The following LNPK variants were observed in gnomAD, a reference collection of about 807,000 sequenced individuals.
LNPK encodes the protein lunapark, ER junction formation factor.
LNPK carries 29 observed loss-of-function variants against 55.2 expected under a neutral mutation model. That is an observed-to-expected ratio of 0.53 (90% CI 0.39 to 0.72). LNPK has a LOEUF of 0.72. Ranked by LOEUF, LNPK falls within the 30% of genes least tolerant of loss-of-function variation. The pLI, the probability that LNPK is intolerant of heterozygous loss-of-function variation, is 0.00. For missense variants in LNPK, 467 were observed against 494.8 expected, an observed-to-expected ratio of 0.94 and a Z score of 0.53; for synonymous variants, 162 against 168.2, an observed-to-expected ratio of 0.96 and a Z score of 0.29.
In LNPK at chr2:175,938,392, TA is replaced by T; in HGVS notation, c.813-10del. ...GACATATAAGTGCATACCTACACCGTAAGGAAAAATGAACAGACCAGTTACA... is the reference window on the plus strand; with the variant it reads ...GACATATAAGTGCATACCTACACCGTAGGAAAAATGAACAGACCAGTTACA... On this transcript the variant is annotated splice_polypyrimidine_tract_variant and intron_variant, in intron 10 of 12. Transcript: ENST00000272748. The T allele has an allele frequency of 6.5e-7, 1 of 1,542,320 alleles. No individual in the cohort carries two copies. Among genetic ancestry groups the T allele is most frequent in the Non-Finnish European group, 8.9e-7 (1 of 1,128,594 alleles).
intron 4 of LNPK, among the ~76,000 whole-genome samples, chr2:175,988,448 G>C (rs765968812): frequency 7.6e-5 from 11 of 145,032 alleles, no homozygotes; most frequent in African/African-American, 1.8e-4. Context: ...GGAGGCAGAG[G>C]ATGCAGTGAG....
intron 4 of LNPK, among the ~76,000 whole-genome samples, chr2:175,983,829 CA>C: frequency 6.7e-6 from 1 of 149,306 alleles, no homozygotes; most frequent in South Asian, 2.1e-4. Context: ...GATTCCTTTC[CA>C]AAAAACGTTG....
At chr2:175,987,880 T>G (rs936420330) in intron 4 of LNPK, among the ~76,000 whole-genome samples, 6 of 152,182 alleles carry the variant, frequency 3.9e-5, no homozygotes, top group Non-Finnish European at 7.3e-5. Flanking sequence ...TACTTGGAAC[T>G]TCAATATAAT....
intron 12 of LNPK, 117 bp downstream of exon 12, chr2:175,937,227 C>T: frequency 2.1e-6 from 2 of 952,930 alleles, no homozygotes; most frequent in Admixed American, 2.5e-5. Context: ...CCGTAGTTGA[C>T]ATATGCATGC....
At position 175,927,642 on chromosome 2, in the gene LNPK, T is replaced by C. The variant is rs1243931445; in HGVS notation, c.*2325A>G. The C allele has an allele frequency of 1.3e-5, 2 of 152,232 alleles. No homozygotes were observed. The highest frequency in any genetic ancestry group is 6.5e-5 in the Admixed American group (1 of 15,286). 9.4% of individuals were successfully genotyped at this position (152,232 alleles called of 1,614,324 possible). A position where few individuals can be genotyped will look rare whatever the true frequency, so the allele number is the denominator to read the frequency against. On this transcript the variant is annotated 3_prime_UTR_variant, in exon 13 of 13. Coordinates refer to ENST00000272748, the MANE Select transcript of LNPK (RefSeq NM_030650.3). ...TGCTCAGGACATAGAAGAATTTAGA[T>C]GACCCACTGAACAATTGTAAGCAAG...
intron 2 of LNPK, chr2:175,994,349 G>C (rs1362969310): frequency 1.0e-6 from 1 of 983,200 alleles, no homozygotes; most frequent in African/African-American, 1.7e-5. Flanking sequence ...GGTCATAACA[G>C]GGTCAATATA....
intron 12 of LNPK, among the ~76,000 whole-genome samples, chr2:175,934,329 T>C (rs1479942119): frequency 6.6e-6 from 1 of 152,136 alleles, no homozygotes; most frequent in East Asian, 1.9e-4. Context: ...TAACAGTATT[T>C]TGCATAAAAG....
chr2:175,995,047 G>A (rs893560738), intron 2 of LNPK, among the ~76,000 whole-genome samples: 1 of 150,220 alleles, frequency 6.7e-6, no homozygotes, highest in Non-Finnish European at 1.5e-5. Context: ...TCAGCCTCCC[G>A]AGTAGCTGGG....
chr2:175,985,474 ATAAT>A (rs1332938029), intron 4 of LNPK, among the ~76,000 whole-genome samples: 1 of 152,198 alleles, frequency 6.6e-6, no homozygotes, highest in Admixed American at 6.5e-5. Context: ...TTTGGTTTTT[ATAAT>A]TAATTAAAAC....
At chr2:175,988,673 T>TA (rs1687550853) in intron 4 of LNPK, among the ~76,000 whole-genome samples, 6 of 152,284 alleles carry the variant, frequency 3.9e-5, no homozygotes, top group Admixed American at 3.3e-4. Flanking sequence ...TATTTTGGTG[T>TA]AAAAAATAAG....
intron 4 of LNPK, among the ~76,000 whole-genome samples, chr2:175,984,325 C>T (rs886603906): frequency 1.3e-5 from 2 of 151,890 alleles, no homozygotes. Flanking sequence ...ATTACAGGCA[C>T]GCGTCACCAT....
chr2:175,929,780 T>A lies in LNPK; in HGVS notation c.*187A>T. The stretch of plus-strand genomic sequence containing the variant: ...TCAAAAGGATCTTACTTCACTGATA[T>A]AACTTGCTTTTAATTTTAATACCCA... On this transcript the variant is annotated 3_prime_UTR_variant, in exon 13 of 13. Transcript: ENST00000272748. The A allele has an allele frequency of 7.0e-7, 1 of 1,423,672 alleles. No homozygotes were observed. Among genetic ancestry groups the A allele is most frequent in the South Asian group, 1.6e-5 (1 of 63,050 alleles). The allele number at this position is 1,423,672 out of a possible 1,614,324, so 88.2% of individuals were successfully genotyped here. A position where few individuals can be genotyped will look rare whatever the true frequency, so the allele number is the denominator to read the frequency against.
chr2:175,952,400 G>C (rs1485203952), intron 8 of LNPK, among the ~76,000 whole-genome samples: 1 of 151,810 alleles, frequency 6.6e-6, no homozygotes, highest in Non-Finnish European at 1.5e-5. Flanking sequence ...TTAGGGCACA[G>C]GGATATATTT....
chr2:175,985,791 T>C (rs562555316), intron 4 of LNPK, among the ~76,000 whole-genome samples: 1 of 152,336 alleles, frequency 6.6e-6, no homozygotes, highest in South Asian at 2.1e-4. Flanking sequence ...AGTATAACTA[T>C]ACTGCAATAA....
chr2:175,961,673 A>G (rs766123400), intron 8 of LNPK, among the ~76,000 whole-genome samples: 1 of 152,192 alleles, frequency 6.6e-6, no homozygotes, highest in Non-Finnish European at 1.5e-5. Flanking sequence ...CACCACTCCT[A>G]TTCAACATAG....
chr2:175,979,940 AAACATAT>A, intron 4 of LNPK, 72 bp from the exon 5 acceptor site: 1 of 1,364,496 alleles, frequency 7.3e-7, no homozygotes, highest in Non-Finnish European at 1.0e-6. Context: ...TGTAAAATGA[AAACATAT>A]ATTTCCAATT....
At chr2:175,935,334 C>G (rs1684489397) in intron 12 of LNPK, among the ~76,000 whole-genome samples, 1 of 152,086 alleles carries the variant, frequency 6.6e-6, no homozygotes, top group African/African-American at 2.4e-5. Flanking sequence ...AAAACACTGT[C>G]TGTTAGCAAA....
In LNPK at chr2:175,924,236, A is replaced by T. The variant is rs1265609174; in HGVS notation, c.*5731T>A. 1 of 152,182 alleles carries T rather than the reference A, an allele frequency of 6.6e-6. No individual in the cohort carries two copies. The allele number at this position is 152,182 out of a possible 1,614,324, so 9.4% of individuals were successfully genotyped here. ...GTAACTTAATACAGTATATTCTCCC[A>T]ATTTTCTAGAGTAGCTAGTCTCCAT... On this transcript the variant is annotated 3_prime_UTR_variant, in exon 13 of 13. Transcript: ENST00000272748.
In LNPK at chr2:175,938,247, G is replaced by A. The variant is rs1476303339; in HGVS notation, c.883+66C>T. On this transcript the variant is annotated intron_variant, in intron 11 of 12. Transcript: ENST00000272748. ...ATATAAAATAAAATGACACTGCATA[G>A]AAAATGGCATAGAATAAAATATTTA... The A allele has an allele frequency of 8.0e-6, 8 of 997,830 alleles. No homozygotes were observed. The East Asian group carries it at 1.7e-4, about 21-fold the overall frequency. 61.8% of individuals were successfully genotyped at this position (997,830 alleles called of 1,614,324 possible). A position where few individuals can be genotyped will look rare whatever the true frequency, so the allele number is the denominator to read the frequency against.
Sources: gnomAD v4.1 joint callset for allele counts (sites outside exome capture counted in the v4.1 genomes callset) on GRCh38, gnomAD v4.1.1 for gene constraint, MANE v1.5 for transcripts, NCBI Gene and HGNC (gene_info 2026-07-23, HGNC 2026-07-21) for gene names.